ZC3H4: variants seen among roughly 807,000 people sequenced by gnomAD.
ZC3H4 encodes the protein zinc finger CCCH-type containing 4.
ZC3H4 carries 13 observed loss-of-function variants against 108.3 expected under a neutral mutation model. The ratio of observed to expected loss-of-function variants is 0.12; its 90% CI spans 0.08 to 0.19. ZC3H4 has a LOEUF of 0.19. ZC3H4 is among the 10% of genes least tolerant of loss of function. The pLI is 1.00. For synonymous variants in ZC3H4, 917 were observed against 749.6 expected, an observed-to-expected ratio of 1.22 and a Z score of -3.65; for missense variants, 1,734 against 1,838.8, an observed-to-expected ratio of 0.94 and a Z score of 1.04.
rs1331480975 is a variant in ZC3H4 at position 47,110,835 on chromosome 19, TC to T, written c.161+1588del. The T allele has an allele frequency of 4.5e-6, 4 of 887,536 alleles. No homozygotes were observed. In the African/African-American group the frequency reaches 7.3e-5, roughly 16 times the overall value. The allele number at this position is 887,536 out of a possible 1,614,324, so 55.0% of individuals were successfully genotyped here. A position where few individuals can be genotyped will look rare whatever the true frequency, so the allele number is the denominator to read the frequency against. ...GAGTCGGGCTGCGATGGGCTGCGAT[TC>T]CCAGGACGATACATTTAATTAGAAC... is the stretch of plus-strand genomic sequence containing the variant. On this transcript the variant is annotated intron_variant, in intron 2 of 14. Transcript: ENST00000253048.
chr19:47,067,780 T>C lies in ZC3H4; in HGVS notation c.2488A>G (p.Ser830Gly). The stretch of plus-strand genomic sequence containing the variant: ...TCCCCAACTGAAGCCGGGGGTCGGC[T>C]GGACGTCTGCTGCCTCAAGGTCTTC... ...ILKTLRQQTS[S>G]RPPASVGELS... The change falls in exon 15 of 15, where the codon AGC becomes GGC. Residue 830 changes from serine to glycine, a missense_variant. Coordinates refer to ENST00000253048, the MANE Select transcript of ZC3H4 (RefSeq NM_015168.2). The surrounding 1 kb of genome is among the most constrained non-coding windows in gnomAD (Gnocchi z 6.4). The C allele has an allele frequency of 6.2e-7, 1 of 1,609,744 alleles. No homozygotes were observed. Among genetic ancestry groups the C allele is most frequent in the Non-Finnish European group, 8.5e-7 (1 of 1,178,744 alleles).
intron 9 of ZC3H4, among the ~76,000 whole-genome samples, chr19:47,082,856 A>G (rs1304379290): frequency 2.6e-5 from 4 of 152,156 alleles, no homozygotes; most frequent in Admixed American, 2.6e-4. Context: ...TATGTGTTGA[A>G]GCCAATTTTG....
chr19:47,083,277 G>A (rs938139374), intron 9 of ZC3H4, among the ~76,000 whole-genome samples: 1 of 150,816 alleles, frequency 6.6e-6, no homozygotes, highest in Non-Finnish European at 1.5e-5. Flanking sequence ...ACTCCAGCCT[G>A]GGCGACAGAG....
chr19:47,086,631 C>T, intron 5 of ZC3H4, 93 bp from the exon 6 acceptor site: 1 of 1,452,760 alleles, frequency 6.9e-7, no homozygotes, highest in Non-Finnish European at 9.0e-7. Flanking sequence ...AGGTCAATCA[C>T]TTCAGCTGCC....
Position 47,090,179 on chromosome 19 carries a change from T to C in ZC3H4, c.503A>G (p.Gln168Arg), listed in dbSNP as rs1285187597. Reference sequence around the variant, plus strand: ...GGGCGTGGCATGCGATGGGGGGTACTGCTGGTGGGACTGCGTCCCAGAGAT... The same window carrying C: ...GGGCGTGGCATGCGATGGGGGGTACCGCTGGTGGGACTGCGTCCCAGAGAT... Reference protein sequence around the residue: ...YSPPYAPSHQQYPPSHATPLP... With the variant: ...YSPPYAPSHQRYPPSHATPLP... The change falls in exon 5 of 15, where the codon CAG becomes CGG. Residue 168 changes from glutamine (Q) to arginine (R), a missense_variant. Gln to Arg is a conservative substitution (Grantham distance 43). Transcript: ENST00000253048. 6.2e-7 allele frequency: 1 copy of C among 1,614,182 alleles called. No homozygotes were observed. Among genetic ancestry groups the C allele is most frequent in the Non-Finnish European group, 8.5e-7 (1 of 1,180,014 alleles).
intron 11 of ZC3H4, among the ~76,000 whole-genome samples, chr19:47,076,384 T>C (rs2057420475): frequency 6.6e-6 from 1 of 152,206 alleles, no homozygotes; most frequent in South Asian, 2.1e-4. Context: ...TAATTCTATT[T>C]ATATGATTTG....
chr19:47,112,390 G>A (rs559899967), intron 2 of ZC3H4, 34 bp downstream of exon 2: 1 of 1,231,462 alleles, frequency 8.1e-7, no homozygotes, highest in East Asian at 3.2e-5. Context: ...TCCTCCCCCC[G>A]GGGACGCAGC....
At position 47,072,226 on chromosome 19, in the gene ZC3H4, G is replaced by T; in HGVS notation, c.1803-105C>A. ...GCAGAGCCGAAGGTCATGGGCCCCA[G>T]ACCAGGACTCCCACAGCTGGGGAGA... On this transcript the variant is annotated intron_variant, in intron 12 of 14. Coordinates refer to ENST00000253048, the MANE Select transcript of ZC3H4 (RefSeq NM_015168.2). The surrounding 1 kb of genome is among the most constrained non-coding windows in gnomAD (Gnocchi z 5.6). The T allele has an allele frequency of 1.4e-6, 2 of 1,399,404 alleles. No individual in the cohort carries two copies. The highest frequency in any genetic ancestry group is 1.4e-5 in the South Asian group (1 of 71,652). The allele number at this position is 1,399,404 out of a possible 1,614,324, so 86.7% of individuals were successfully genotyped here. A position where few individuals can be genotyped will look rare whatever the true frequency, so the allele number is the denominator to read the frequency against.
At chr19:47,076,791 G>A (rs989813945) in intron 11 of ZC3H4, among the ~76,000 whole-genome samples, 12 of 152,022 alleles carry the variant, frequency 7.9e-5, no homozygotes, top group Non-Finnish European at 1.2e-4. Flanking sequence ...TCAGGAGTTC[G>A]AGACCAGCCT....
At chr19:47,089,462 C>T (rs999785019) in intron 5 of ZC3H4, among the ~76,000 whole-genome samples, 1 of 152,148 alleles carries the variant, frequency 6.6e-6, no homozygotes, top group South Asian at 2.1e-4. Context: ...CAGGCATGGG[C>T]CACTGCGCCG....
At chr19:47,078,678 G>A (rs1294030388) in intron 11 of ZC3H4, among the ~76,000 whole-genome samples, 1 of 151,842 alleles carries the variant, frequency 6.6e-6, no homozygotes, top group Non-Finnish European at 1.5e-5. Flanking sequence ...TGGCCAACAG[G>A]GTGAAACCCT....
In ZC3H4 at chr19:47,080,171, C is replaced by T. The variant is rs561259731; in HGVS notation, c.1440+1342G>A. ...CCTTGTGAACTAGAAGGCAGGAAAG[C>T]TTCATTTGAAAGGGCACCAGTTCCC... On this transcript the variant is annotated intron_variant, in intron 11 of 14. Coordinates refer to ENST00000253048, the MANE Select transcript of ZC3H4 (RefSeq NM_015168.2). 2.0e-5 allele frequency among the ~76,000 whole-genome samples: 3 copies of T among 152,296 alleles called. No individual in the cohort carries two copies. In the South Asian group the frequency reaches 6.2e-4, roughly 32 times the overall value.
At chr19:47,101,269 G>A (rs1016077180) in intron 2 of ZC3H4, among the ~76,000 whole-genome samples, 18 of 151,994 alleles carry the variant, frequency 1.2e-4, no homozygotes, top group Non-Finnish European at 1.2e-4. Flanking sequence ...AGGAGGTCGA[G>A]GCTGCAGTGA....
rs377028333 is a variant in ZC3H4, at chr19:47,067,649, A to G, written c.2619T>C (p.His873=). 2.4e-4 allele frequency: 378 copies of G among 1,603,704 alleles called. No homozygotes were observed. In the East Asian group the frequency reaches 6.2e-3, roughly 26 times the overall value. ...RLSRDPRLTR[H]VEASGGSGPG... ...GGCCAGACCCGCCAGAAGCCTCCACATGGCGGGTGAGTCTGGGGTCCCGGC... is the reference window on the plus strand; with the variant it reads ...GGCCAGACCCGCCAGAAGCCTCCACGTGGCGGGTGAGTCTGGGGTCCCGGC... The change falls in exon 15 of 15, where the codon CAT becomes CAC. Residue 873 remains histidine, a synonymous_variant. Coordinates refer to ENST00000253048, the MANE Select transcript of ZC3H4 (RefSeq NM_015168.2). This position sits in a 1 kb window ranked among gnomAD's most constrained non-coding sequence, Gnocchi z 6.4.
At chr19:47,112,809 C>T (rs969214211) in intron 1 of ZC3H4, among the ~76,000 whole-genome samples, 3 of 152,102 alleles carry the variant, frequency 2.0e-5, no homozygotes, top group Admixed American at 6.5e-5. Flanking sequence ...GTCACTCGCT[C>T]ACTGGCGCGG....
intron 11 of ZC3H4, among the ~76,000 whole-genome samples, chr19:47,076,619 G>A (rs2057426201): frequency 6.6e-6 from 1 of 152,204 alleles, no homozygotes; most frequent in African/African-American, 2.4e-5. Context: ...ACTTTGGGAG[G>A]ACGAGGTAGG....
intron 2 of ZC3H4, among the ~76,000 whole-genome samples, chr19:47,098,136 A>T (rs1160795076): frequency 6.6e-6 from 1 of 152,128 alleles, no homozygotes; most frequent in African/African-American, 2.4e-5. Context: ...GAACAGGCCA[A>T]CTCCACAGGG....
At chr19:47,103,135 G>C (rs1400765133) in intron 2 of ZC3H4, among the ~76,000 whole-genome samples, 1 of 152,146 alleles carries the variant, frequency 6.6e-6, no homozygotes, top group Non-Finnish European at 1.5e-5. Context: ...TCTGGAATTT[G>C]CTTCTCAGCA....
intron 13 of ZC3H4, among the ~76,000 whole-genome samples, chr19:47,071,562 A>C (rs1466568588): frequency 1.3e-5 from 2 of 152,222 alleles, no homozygotes; most frequent in Non-Finnish European, 2.9e-5. Flanking sequence ...CAAAATTAAA[A>C]AGAAATAACC....
Sources: gnomAD v4.1 joint callset for allele counts (sites outside exome capture counted in the v4.1 genomes callset) on GRCh38, gnomAD v4.1.1 for gene constraint, Gnocchi (gnomAD v3.1) non-coding constraint, MANE v1.5 for transcripts, NCBI Gene and HGNC (gene_info 2026-07-23, HGNC 2026-07-21) for gene names.